XYLT1: variants seen among roughly 807,000 people sequenced by gnomAD.
The protein encoded by XYLT1 is beta-D-xylosyltransferase 1.
A neutral mutation model predicts 91.3 loss-of-function variants in XYLT1; 36 were observed. The observed-to-expected ratio is 0.39, with a 90% CI of 0.30 to 0.52. XYLT1 has a LOEUF of 0.52. Among genes scored for constraint, XYLT1 ranks in the 20% least tolerant of loss-of-function variants. The probability of loss-of-function intolerance (pLI) is 0.68; values close to 1 mark genes in which losing one functional copy is unlikely to be tolerated. For missense variants in XYLT1, 1,242 were observed against 1,284.5 expected (o/e 0.97, Z 0.51); for synonymous variants, 588 against 532.0 (o/e 1.11, Z -1.45).
intron 2 of XYLT1, among the ~76,000 whole-genome samples, chr16:17,314,742 T>A (rs919454500): frequency 6.6e-6 from 1 of 152,142 alleles, no homozygotes; most frequent in Non-Finnish European, 1.5e-5. Flanking sequence ...GCTAACAGAA[T>A]AATTATGATT....
chr16:17,284,473 A>T (rs1263114817), intron 2 of XYLT1, among the ~76,000 whole-genome samples: 1 of 152,262 alleles, frequency 6.6e-6, no homozygotes, highest in Non-Finnish European at 1.5e-5. Flanking sequence ...TTAAAGAAAG[A>T]TAAGACAGGA....
intron 11 of XYLT1, among the ~76,000 whole-genome samples, chr16:17,111,681 C>T (rs544252776): frequency 5.3e-5 from 8 of 152,338 alleles, no homozygotes; most frequent in Admixed American, 2.0e-4. Flanking sequence ...TTTGCCTTGA[C>T]TAACACAGAC....
chr16:17,135,101 C>T (rs939209648), intron 8 of XYLT1, among the ~76,000 whole-genome samples: 22 of 152,136 alleles, frequency 1.4e-4, no homozygotes, highest in African/African-American at 2.4e-5. Flanking sequence ...TAAATACAGC[C>T]TGCAGATGTA....
chr16:17,194,688 C>T, intron 5 of XYLT1, among the ~76,000 whole-genome samples: 1 of 152,230 alleles, frequency 6.6e-6, no homozygotes, highest in Non-Finnish European at 1.5e-5. Flanking sequence ...TCCAGTTCTG[C>T]TGATTTCCCT....
chr16:17,424,297 C>G (rs190739490), intron 1 of XYLT1, among the ~76,000 whole-genome samples: 44 of 152,306 alleles, frequency 2.9e-4, no homozygotes, highest in African/African-American at 9.1e-4. Context: ...TCTAGCAAAC[C>G]TGAGAGAACT....
chr16:17,448,202 T>C (rs1333840930), intron 1 of XYLT1, among the ~76,000 whole-genome samples: 1 of 152,160 alleles, frequency 6.6e-6, no homozygotes, highest in East Asian at 1.9e-4. Context: ...ACCCCATCTC[T>C]ACTAAAAATA....
At chr16:17,441,335 T>C (rs1481403740) in intron 1 of XYLT1, among the ~76,000 whole-genome samples, 1 of 152,106 alleles carries the variant, frequency 6.6e-6, no homozygotes, top group African/African-American at 2.4e-5. Flanking sequence ...CACAGGGTGT[T>C]ACTGAAAAAA....
At chr16:17,425,138 G>A (rs910546790) in intron 1 of XYLT1, among the ~76,000 whole-genome samples, 1 of 152,274 alleles carries the variant, frequency 6.6e-6, no homozygotes, top group African/African-American at 2.4e-5. Flanking sequence ...ATGGTCTTTA[G>A]CTTTGCAGGT....
intron 3 of XYLT1, among the ~76,000 whole-genome samples, chr16:17,233,426 T>C (rs989069535): frequency 7.9e-5 from 12 of 152,352 alleles, no homozygotes; most frequent in African/African-American, 2.9e-4. Context: ...TGGAGACTTC[T>C]GACTGCGGAA....
intron 3 of XYLT1, among the ~76,000 whole-genome samples, chr16:17,210,085 G>T (rs2032729869): frequency 6.6e-6 from 1 of 152,096 alleles, no homozygotes; most frequent in Admixed American, 6.5e-5. Context: ...GTAGAGACCA[G>T]GTCTCCCTAT....
intron 5 of XYLT1, among the ~76,000 whole-genome samples, chr16:17,197,013 A>AT (rs1244003599): frequency 7.1e-5 from 8 of 112,438 alleles, no homozygotes; most frequent in African/African-American, 4.0e-4. Context: ...TCTGTCTCCA[A>AT]AATATATATA....
intron 2 of XYLT1, among the ~76,000 whole-genome samples, chr16:17,282,009 T>G (rs1177805245): frequency 2.6e-5 from 4 of 152,206 alleles, no homozygotes; most frequent in African/African-American, 9.6e-5. Flanking sequence ...ATAATTCCCC[T>G]CACCCAGCCT....
chr16:17,175,545 A>G (rs1157632195), intron 5 of XYLT1, among the ~76,000 whole-genome samples: 1 of 152,188 alleles, frequency 6.6e-6, no homozygotes, highest in Non-Finnish European at 1.5e-5. Context: ...CTCAGAGTCC[A>G]TATGCATCAC....
rs143832844 is a variant in XYLT1, at chr16:17,438,480, G to A, written c.363+31954C>T. ...TAAACATACGCTACGTAAGAGTGGA[G>A]GACTGTCAGATACTTGACTATATGT... On this transcript the variant is annotated intron_variant, in intron 1 of 11. Coordinates refer to ENST00000261381, the MANE Select transcript of XYLT1 (RefSeq NM_022166.4). 2.8e-3 allele frequency among the ~76,000 whole-genome samples: 428 copies of A among 152,194 alleles called. 4 individuals are homozygous for A. Among genetic ancestry groups the A allele is most frequent in the African/African-American group, 9.9e-3 (410 of 41,520 alleles).
At chr16:17,224,224 C>T (rs944147292) in intron 3 of XYLT1, among the ~76,000 whole-genome samples, 1 of 152,126 alleles carries the variant, frequency 6.6e-6, no homozygotes. Context: ...ATTCTATCAG[C>T]GACAAGACGG....
intron 1 of XYLT1, among the ~76,000 whole-genome samples, chr16:17,391,762 G>C (rs2035822555): frequency 6.6e-6 from 1 of 152,174 alleles, no homozygotes. Context: ...TGTGGTGGGA[G>C]GGACCCAGTG....
At position 17,312,364 on chromosome 16, in the gene XYLT1, C is replaced by T. The variant is rs905213913; in HGVS notation, c.402+45648G>A. ...CTGTGAAGGACTCAATGAAACATCC[C>T]TGAAATCCTCATGATCATCAGGGCT... On this transcript the variant is annotated intron_variant, in intron 2 of 11. Coordinates refer to ENST00000261381, the MANE Select transcript of XYLT1 (RefSeq NM_022166.4). The surrounding 1 kb of genome is among the most constrained non-coding windows in gnomAD (Gnocchi z 4.4). 6.6e-6 allele frequency among the ~76,000 whole-genome samples: 1 copy of T among 152,146 alleles called. No homozygotes were observed. Among genetic ancestry groups the T allele is most frequent in the South Asian group, 2.1e-4 (1 of 4,822 alleles).
At position 17,127,708 on chromosome 16, in the gene XYLT1, G is replaced by A. The variant is rs112238716; in HGVS notation, c.2181C>T (p.Ile727=). 1.1e-5 allele frequency: 18 copies of A among 1,614,024 alleles called. No individual in the cohort carries two copies. Among genetic ancestry groups the A allele is most frequent in the East Asian group, 2.2e-5 (1 of 44,892 alleles). The stretch of plus-strand genomic sequence containing the variant: ...TCCCAAAGTCACTGGGTGGGCTTGC[G>A]ATCTTGAAGACTTTTTTCGGCATCA... ...TWVMPKKVFK[I]ASPPSDFGRL... Residue 727 remains isoleucine (I), a synonymous_variant, in exon 10 of 12, where the codon ATC becomes ATT. Transcript: ENST00000261381.
At chr16:17,292,128 G>A (rs950379531) in intron 2 of XYLT1, among the ~76,000 whole-genome samples, 4 of 150,926 alleles carry the variant, frequency 2.7e-5, no homozygotes, top group Non-Finnish European at 5.9e-5. Context: ...ATATCTGTGT[G>A]TGTCTATATA....
Sources: gnomAD v4.1 joint callset for allele counts (sites outside exome capture counted in the v4.1 genomes callset) on GRCh38, gnomAD v4.1.1 for gene constraint, Gnocchi (gnomAD v3.1) non-coding constraint, MANE v1.5 for transcripts, NCBI Gene and HGNC (gene_info 2026-07-23, HGNC 2026-07-21) for gene names.